DOCK11: variants seen among roughly 807,000 people sequenced by gnomAD.
The protein encoded by DOCK11 is dedicator of cytokinesis protein 11.
Under a neutral mutation model 169.1 loss-of-function variants are expected in DOCK11, and 70 were observed. That is an observed-to-expected ratio of 0.41 (90% confidence interval 0.34 to 0.51). The LOEUF is 0.51. DOCK11 is among the 20% of genes least tolerant of loss of function. The probability of loss-of-function intolerance (pLI) is 0.10; values close to 1 mark genes in which losing one functional copy is unlikely to be tolerated. For synonymous variants in DOCK11, 529 were observed against 541.3 expected, an observed-to-expected ratio of 0.98 and a Z score of 0.32; for missense variants, 1,166 against 1,538.8, an observed-to-expected ratio of 0.76 and a Z score of 4.05.
At chrX:118,536,533 G>A (rs909776656) in intron 1 of DOCK11, among the ~76,000 whole-genome samples, 4 of 111,697 alleles carry the variant, frequency 3.6e-5, no homozygotes, top group African/African-American at 1.3e-4. Context: ...CACATAAATC[G>A]ATATGATGAA....
chrX:118,547,279 A>G (rs1237575925), intron 6 of DOCK11, among the ~76,000 whole-genome samples: 1 of 112,173 alleles, frequency 8.9e-6, no homozygotes, highest in Non-Finnish European at 1.9e-5. Context: ...GGCTGCAAGT[A>G]GAAACCGTGG....
At chrX:118,640,288 T>C (rs2015496892) in intron 38 of DOCK11, among the ~76,000 whole-genome samples, 1 of 112,393 alleles carries the variant, frequency 8.9e-6, no homozygotes, top group South Asian at 3.6e-4. Flanking sequence ...CACAGTCCTC[T>C]GAAGGTTTCA....
chrX:118,567,222 T>C (rs1228785796), intron 9 of DOCK11, among the ~76,000 whole-genome samples: 2 of 111,687 alleles, frequency 1.8e-5, no homozygotes, highest in East Asian at 5.6e-4. Context: ...CTGTAGACTC[T>C]ATATTATAGT....
chrX:118,591,698 T>A (rs1603096257), intron 19 of DOCK11, among the ~76,000 whole-genome samples: 1 of 101,773 alleles, frequency 9.8e-6, no homozygotes, highest in South Asian at 5.1e-4. Context: ...TTGTTACATA[T>A]GTATACATGT....
chrX:118,631,091 C>T (rs891332373), intron 35 of DOCK11, among the ~76,000 whole-genome samples: 6 of 110,428 alleles, frequency 5.4e-5, no homozygotes, highest in African/African-American at 2.0e-4. Context: ...TGCATGTCCT[C>T]GGGAAGTAAA....
In DOCK11 at chrX:118,579,044, C is replaced by T. The variant is rs773250364; in HGVS notation, c.1512+397C>T. On this transcript the variant is annotated intron_variant, in intron 13 of 52. Coordinates refer to ENST00000276202, the MANE Select transcript of DOCK11 (RefSeq NM_144658.4). ...AGATTTACTCCTGTCTGTGATGAAA[C>T]GAGAAAAGAAAGACAGACAGTGAAC... 5.4e-5 allele frequency among the ~76,000 whole-genome samples: 6 copies of T among 111,918 alleles called. No homozygotes were observed. The South Asian group carries it at 1.9e-3, about 35-fold the overall frequency.
intron 1 of DOCK11, among the ~76,000 whole-genome samples, chrX:118,498,664 C>T (rs1157719586): frequency 4.5e-5 from 5 of 111,999 alleles, no homozygotes; most frequent in Non-Finnish European, 7.5e-5. Context: ...GAGCCATTAC[C>T]GCAGCAAGTC....
At chrX:118,678,998 C>T (rs976209247) in intron 48 of DOCK11, among the ~76,000 whole-genome samples, 5 of 110,957 alleles carry the variant, frequency 4.5e-5, no homozygotes, top group Non-Finnish European at 9.5e-5. Context: ...CACTATGTTG[C>T]CCAGGCTGGT....
intron 7 of DOCK11, among the ~76,000 whole-genome samples, chrX:118,565,554 A>G (rs1015198257): frequency 1.8e-5 from 2 of 112,101 alleles, no homozygotes; most frequent in African/African-American, 6.5e-5. Flanking sequence ...AGTGCCTTTT[A>G]TGGTGAGATA....
At chrX:118,583,489 T>A (rs1424969807) in intron 14 of DOCK11, among the ~76,000 whole-genome samples, 1 of 110,945 alleles carries the variant, frequency 9.0e-6, no homozygotes, top group Non-Finnish European at 1.9e-5. Context: ...AGTTAATTAA[T>A]GCCTATTACC....
chrX:118,630,359 C>A lies in DOCK11; in HGVS notation c.3775-20C>A. 9.4e-7 allele frequency: 1 copy of A among 1,067,640 alleles called. No homozygotes were observed. The highest frequency in any genetic ancestry group is 1.3e-6 in the Non-Finnish European group (1 of 775,896). 88.0% of individuals were successfully genotyped at this position (1,067,640 alleles called of 1,213,427 possible). ...GGAAAATTGTACTGATACTATTTCA[C>A]GAACATCCTGTCCTTACAGACCCGA... On this transcript the variant is annotated intron_variant, in intron 34 of 52. Coordinates refer to ENST00000276202, the MANE Select transcript of DOCK11 (RefSeq NM_144658.4).
chrX:118,531,559 A>G (rs1366730355), intron 1 of DOCK11, among the ~76,000 whole-genome samples: 4 of 105,246 alleles, frequency 3.8e-5, no homozygotes, highest in African/African-American at 6.9e-5. Context: ...ATATATATAT[A>G]TATATATTGT....
chrX:118,560,973 T>C (rs2012887812), intron 6 of DOCK11, among the ~76,000 whole-genome samples: 1 of 111,559 alleles, frequency 9.0e-6, no homozygotes, highest in Non-Finnish European at 1.9e-5. Flanking sequence ...AAATATGTAA[T>C]GTGGGTATAT....
intron 4 of DOCK11, among the ~76,000 whole-genome samples, chrX:118,544,392 T>C (rs1200490179): frequency 9.0e-6 from 1 of 111,089 alleles, no homozygotes; most frequent in Non-Finnish European, 1.9e-5. Context: ...GCTCTCCATT[T>C]TCTCATCTCT....
intron 41 of DOCK11, among the ~76,000 whole-genome samples, chrX:118,649,435 A>G (rs2015894807): frequency 8.9e-6 from 1 of 112,726 alleles, no homozygotes; most frequent in African/African-American, 3.2e-5. Context: ...ATTGATAATT[A>G]CGTATGTGGC....
chrX:118,618,313 C>A (rs976383881), intron 30 of DOCK11, among the ~76,000 whole-genome samples: 1 of 111,571 alleles, frequency 9.0e-6, no homozygotes, highest in Non-Finnish European at 1.9e-5. Flanking sequence ...GAATTAGGGA[C>A]TTTCTTTCTG....
At chrX:118,684,365 G>A (rs1001796665) in intron 52 of DOCK11, among the ~76,000 whole-genome samples, 3 of 99,756 alleles carry the variant, frequency 3.0e-5, no homozygotes, top group African/African-American at 1.1e-4. Context: ...TCCGCCTCCC[G>A]GATTCAAGTG....
intron 39 of DOCK11, among the ~76,000 whole-genome samples, chrX:118,641,798 G>T (rs1340811743): frequency 1.8e-5 from 2 of 111,451 alleles, no homozygotes; most frequent in Admixed American, 9.6e-5. Flanking sequence ...TATCTAGCAG[G>T]ATTATTGGAG....
At chrX:118,508,876 A>G (rs1351607483) in intron 1 of DOCK11, among the ~76,000 whole-genome samples, 2 of 112,101 alleles carry the variant, frequency 1.8e-5, no homozygotes, top group Non-Finnish European at 3.8e-5. Context: ...TCAGTTCTGT[A>G]ATAACAAACC....
Sources: allele counts gnomAD v4.1 joint callset (sites outside exome capture counted in the v4.1 genomes callset), GRCh38; gene constraint gnomAD v4.1.1; transcripts MANE v1.5; gene names NCBI Gene and HGNC (gene_info 2026-07-23, HGNC 2026-07-21).